Variants in NELL1 observed in about 807,000 individuals in gnomAD.
The protein encoded by NELL1 is protein kinase C-binding protein NELL1.
NELL1 carries 76 observed loss-of-function variants against 107.4 expected under a neutral mutation model. That is an observed-to-expected ratio of 0.71 (90% confidence interval 0.59 to 0.86). The LOEUF is 0.86. NELL1 is among the 40% of genes least tolerant of loss of function. The probability of loss-of-function intolerance (pLI) is 0.00; values close to 1 mark genes in which losing one functional copy is unlikely to be tolerated. For synonymous variants in NELL1, 353 were observed against 341.2 expected (o/e 1.03, Z -0.38); for missense variants, 1,024 against 1,005.5 (o/e 1.02, Z -0.25).
intron 13 of NELL1, among the ~76,000 whole-genome samples, chr11:21,176,736 TCTC>T (rs1428354482): frequency 6.6e-6 from 1 of 151,756 alleles, no homozygotes; most frequent in Admixed American, 6.5e-5. Flanking sequence ...GGTCCTCTCT[TCTC>T]TATGTTGTCA....
intron 14 of NELL1, among the ~76,000 whole-genome samples, chr11:21,353,446 T>C (rs1850861293): frequency 1.3e-5 from 2 of 152,160 alleles, no homozygotes; most frequent in African/African-American, 2.4e-5. Flanking sequence ...TGTCTGTTTT[T>C]CCACAGACTA....
chr11:20,850,527 C>A (rs1848776889), intron 4 of NELL1, among the ~76,000 whole-genome samples: 1 of 152,116 alleles, frequency 6.6e-6, no homozygotes, highest in African/African-American at 2.4e-5. Context: ...TTGTCTGTAA[C>A]CCTGCTACTA....
intron 13 of NELL1, among the ~76,000 whole-genome samples, chr11:21,196,917 G>T: frequency 6.9e-6 from 1 of 144,270 alleles, no homozygotes; most frequent in African/African-American, 2.6e-5. Flanking sequence ...TGTTGCCCAA[G>T]CTGGAGTGTA....
At chr11:21,390,857 C>T (rs1851859061) in intron 15 of NELL1, among the ~76,000 whole-genome samples, 1 of 151,752 alleles carries the variant, frequency 6.6e-6, no homozygotes, top group Non-Finnish European at 1.5e-5. Context: ...TTTTCCAGAA[C>T]ATTCTGCCCA....
intron 14 of NELL1, 30 bp from the exon 15 acceptor site, chr11:21,370,823 T>A (rs374979156): frequency 6.4e-7 from 1 of 1,567,076 alleles, no homozygotes; most frequent in African/African-American, 1.4e-5. Flanking sequence ...GCATTTTATC[T>A]AAGATAAATA....
intron 14 of NELL1, among the ~76,000 whole-genome samples, chr11:21,277,202 GA>G (rs1279939210): frequency 6.6e-6 from 1 of 151,906 alleles, no homozygotes; most frequent in African/African-American, 2.4e-5. Flanking sequence ...AAATCTACAA[GA>G]AAAAAACAAA....
intron 2 of NELL1, among the ~76,000 whole-genome samples, chr11:20,741,154 G>T (rs1300530988): frequency 8.5e-6 from 1 of 117,816 alleles, no homozygotes; most frequent in Non-Finnish European, 1.9e-5. Flanking sequence ...ATCCTCCCTG[G>T]GTTTCTGATG....
At chr11:20,781,956 G>C (rs1190531010) in intron 2 of NELL1, among the ~76,000 whole-genome samples, 1 of 149,814 alleles carries the variant, frequency 6.7e-6, no homozygotes, top group African/African-American at 2.5e-5. Flanking sequence ...GTGGGAGATC[G>C]CTTGAGCCCG....
intron 12 of NELL1, among the ~76,000 whole-genome samples, chr11:21,011,367 T>G (rs995136260): frequency 6.6e-6 from 1 of 152,106 alleles, no homozygotes; most frequent in African/African-American, 2.4e-5. Flanking sequence ...GATCAACACC[T>G]ATGAAAGGAA....
intron 13 of NELL1, chr11:21,169,794 G>A (rs1011609109): frequency 1.4e-4 from 195 of 1,357,754 alleles, no homozygotes; most frequent in South Asian, 5.2e-4. Flanking sequence ...CCGGGCACCC[G>A]GAGAGTGGGA....
At chr11:21,145,826 T>C (rs918625697) in intron 13 of NELL1, among the ~76,000 whole-genome samples, 30 of 152,154 alleles carry the variant, frequency 2.0e-4, no homozygotes, top group African/African-American at 6.8e-4. Context: ...ATTTTTGTAT[T>C]CCAACATTAA....
intron 4 of NELL1, among the ~76,000 whole-genome samples, chr11:20,848,967 T>C (rs12272633): frequency 0.037 from 5,631 of 152,268 alleles, 109 homozygotes; most frequent in Middle Eastern, 0.061. Flanking sequence ...TGGACAGAGT[T>C]TCCATAGAAA....
chr11:21,509,421 A>G, intron 15 of NELL1, among the ~76,000 whole-genome samples: 1 of 152,242 alleles, frequency 6.6e-6, no homozygotes, highest in East Asian at 1.9e-4. Context: ...AGGATTGTTC[A>G]TAGCTTTGTT....
intron 15 of NELL1, among the ~76,000 whole-genome samples, chr11:21,396,587 C>A (rs1243225109): frequency 6.6e-6 from 1 of 151,500 alleles, no homozygotes; most frequent in African/African-American, 2.4e-5. Flanking sequence ...AAAACAAGTG[C>A]ATATTAGGAG....
chr11:20,819,554 G>A (rs766615520), intron 3 of NELL1, among the ~76,000 whole-genome samples: 1 of 152,180 alleles, frequency 6.6e-6, no homozygotes, highest in Non-Finnish European at 1.5e-5. Context: ...TGCAATGTCT[G>A]TTTCTAAATT....
intron 13 of NELL1, among the ~76,000 whole-genome samples, chr11:21,165,479 A>G (rs979818165): frequency 6.6e-6 from 1 of 152,196 alleles, no homozygotes; most frequent in Non-Finnish European, 1.5e-5. Context: ...TGAACTCTTG[A>G]CTTGCCCTCA....
intron 4 of NELL1, among the ~76,000 whole-genome samples, chr11:20,861,336 A>C (rs1848974574): frequency 6.6e-6 from 1 of 152,176 alleles, no homozygotes; most frequent in Admixed American, 6.5e-5. Flanking sequence ...AGCCTGATTC[A>C]CTATTGATCT....
intron 12 of NELL1, among the ~76,000 whole-genome samples, chr11:21,062,905 G>T (rs189993274): frequency 1.3e-5 from 2 of 152,176 alleles, no homozygotes; most frequent in African/African-American, 4.8e-5. Flanking sequence ...TCAGCTCACT[G>T]CAACCTCTGC....
chr11:21,009,115 A>G (rs1481894603), intron 12 of NELL1, among the ~76,000 whole-genome samples: 1 of 152,132 alleles, frequency 6.6e-6, no homozygotes, highest in Non-Finnish European at 1.5e-5. Context: ...TGTTGGAATC[A>G]TGACAGCCAC....
Sources: gnomAD v4.1 joint callset for allele counts (sites outside exome capture counted in the v4.1 genomes callset) on GRCh38, gnomAD v4.1.1 for gene constraint, MANE v1.5 for transcripts, NCBI Gene and HGNC (gene_info 2026-07-23, HGNC 2026-07-21) for gene names.